Variants in DOK7 observed in about 807,000 individuals in gnomAD.
The protein encoded by DOK7 is docking protein 7.
In DOK7, 32 loss-of-function variants were observed where a neutral mutation model predicts 30.7. That is an observed-to-expected ratio of 1.04 (90% CI 0.79 to 1.40). The LOEUF (loss-of-function observed/expected upper bound fraction) is 1.40, where lower values mean the gene tolerates loss of function less well. Among genes scored for constraint, DOK7 ranks in the 40% most tolerant of loss-of-function variants. DOK7 has a pLI of 0.00. For synonymous variants in DOK7, 447 were observed against 324.1 expected (o/e 1.38, Z -4.07); for missense variants, 1,007 against 699.2 (o/e 1.44, Z -4.97).
chr4:3,495,099 A>G (rs1206922120), downstream of DOK7, among the ~76,000 whole-genome samples: 1 of 152,066 alleles, frequency 6.6e-6, no homozygotes, highest in African/African-American at 2.4e-5. Flanking sequence ...GTGACCCTAC[A>G]AGCCCCGCCC....
intron 4 of DOK7, among the ~76,000 whole-genome samples, chr4:3,482,274 A>C (rs1434784238): frequency 6.6e-6 from 1 of 152,176 alleles, no homozygotes; most frequent in Non-Finnish European, 1.5e-5. Flanking sequence ...GACGGGGCTC[A>C]GTGAGGACAG....
At chr4:3,477,478 C>T (rs1252413473) in intron 4 of DOK7, among the ~76,000 whole-genome samples, 4 of 152,258 alleles carry the variant, frequency 2.6e-5, no homozygotes, top group Non-Finnish European at 5.9e-5. Flanking sequence ...CTGCAAAGGC[C>T]AGCTGGGGCA....
At chr4:3,484,784 C>T (rs3827767) in intron 4 of DOK7, 196,522 of 985,430 alleles carry the variant, frequency 0.2, 20,849 homozygotes, top group South Asian at 0.31. Flanking sequence ...GAAAGATGAC[C>T]GAGGAGGTGG....
In DOK7 at chr4:3,493,254, A is replaced by G. The variant is rs756360879; in HGVS notation, c.1268A>G (p.Gln423Arg). 9.9e-6 allele frequency: 16 copies of G among 1,611,638 alleles called. No individual in the cohort carries two copies. The highest frequency in any genetic ancestry group is 1.3e-5 in the African/African-American group (1 of 74,892). ...LAPRDHSPPSQGSPGNSAARD... is the reference protein window; with the variant it reads ...LAPRDHSPPSRGSPGNSAARD... ...CCTAGAGACCACAGCCCCCCCTCAC[A>G]GGGCAGCCCCGGCAACAGTGCGGCC... Residue 423 changes from glutamine (Q) to arginine (R), a missense_variant, in exon 7 of 7, where the codon CAG becomes CGG. Physicochemically the swap from Gln to Arg is conservative, Grantham distance 43. Transcript: ENST00000340083.
rs756234763 is a variant in DOK7 at position 3,492,835 on chromosome 4, A to G, written c.849A>G (p.Ala283=). ...LDVSASSRLT[A]WPEQSSSSAS... ...TCAGCGCCAGCAGCCGGCTCACCGC[A>G]TGGCCAGAGCAATCCTCGTCGTCAG... The change falls in exon 7 of 7, where the codon GCA becomes GCG. Residue 283 remains alanine, a synonymous_variant. Transcript: ENST00000340083. 4.3e-6 allele frequency: 7 copies of G among 1,612,332 alleles called. No homozygotes were observed. Among genetic ancestry groups the G allele is most frequent in the Non-Finnish European group, 5.9e-6 (7 of 1,179,916 alleles).
intron 2 of DOK7, among the ~76,000 whole-genome samples, chr4:3,472,025 G>C (rs372403905): frequency 6.6e-6 from 1 of 152,266 alleles, no homozygotes; most frequent in Non-Finnish European, 1.5e-5. Context: ...CAAGGGTGGC[G>C]GTGCTGAGTA....
chr4:3,486,519 C>T (rs1727803238), intron 5 of DOK7, among the ~76,000 whole-genome samples: 1 of 152,196 alleles, frequency 6.6e-6, no homozygotes, highest in Admixed American at 6.5e-5. Context: ...GGGGTGGGAC[C>T]TGGGCCTCCC....
downstream of DOK7, chr4:3,496,925 C>T: frequency 8.2e-7 from 1 of 1,222,672 alleles, no homozygotes; most frequent in Non-Finnish European, 1.1e-6. Context: ...TGGGTGGGCG[C>T]AGATGGCAGC....
In DOK7 at chr4:3,494,303, G is replaced by A. The variant is rs1014826674; in HGVS notation, c.*802G>A. 1.0e-6 allele frequency: 1 copy of A among 985,630 alleles called. No individual in the cohort carries two copies. Among genetic ancestry groups the A allele is most frequent in the African/African-American group, 1.7e-5 (1 of 57,374 alleles). The allele number at this position is 985,630 out of a possible 1,614,324, so 61.1% of individuals were successfully genotyped here. On this transcript the variant is annotated 3_prime_UTR_variant, in exon 7 of 7. Transcript: ENST00000340083. ...CCAGGCCTCAGCCCCTGCGTCGGAG[G>A]TGGGGCTGTGTTGGGCCCATTGTCC...
rs887671134 is a variant in DOK7, at chr4:3,493,823, C to T, written c.*322C>T. The T allele has an allele frequency of 1.7e-5, 21 of 1,240,204 alleles. No individual in the cohort carries two copies. Among genetic ancestry groups the T allele is most frequent in the South Asian group, 2.3e-5 (1 of 42,884 alleles). 76.8% of individuals were successfully genotyped at this position (1,240,204 alleles called of 1,614,324 possible). ...TGCACCTCTGTTGGCTCGTGCCTTG[C>T]ACTGGGGTGCCAAGGGCTGGAGGCC... On this transcript the variant is annotated 3_prime_UTR_variant, in exon 7 of 7. Transcript: ENST00000340083.
At chr4:3,492,157 T>C (rs1728509097) in intron 6 of DOK7, among the ~76,000 whole-genome samples, 1 of 152,100 alleles carries the variant, frequency 6.6e-6, no homozygotes, top group Non-Finnish European at 1.5e-5. Context: ...GGGCCTGGCC[T>C]GGCAGGCGGG....
intron 4 of DOK7, among the ~76,000 whole-genome samples, chr4:3,478,769 C>G (rs1252517901): frequency 6.6e-6 from 1 of 152,208 alleles, no homozygotes; most frequent in Non-Finnish European, 1.5e-5. Flanking sequence ...CCACCCATCC[C>G]TGTCCCCAGC....
At chr4:3,485,062 G>T (rs865836149) in intron 4 of DOK7, among the ~76,000 whole-genome samples, 30 of 152,292 alleles carry the variant, frequency 2.0e-4, no homozygotes, top group African/African-American at 7.2e-4. Context: ...TGGGGGCAGG[G>T]TCGCTGGGAC....
chr4:3,475,857 G>A (rs1328086950), intron 3 of DOK7, among the ~76,000 whole-genome samples: 2 of 152,082 alleles, frequency 1.3e-5, no homozygotes, highest in African/African-American at 4.8e-5. Context: ...GGTGGGAGGG[G>A]AGGGAGGTGG....
At position 3,476,404 on chromosome 4, in the gene DOK7, C is replaced by T. The variant is rs755692930; in HGVS notation, c.394C>T (p.His132Tyr). 3 of 1,613,260 alleles carry T rather than the reference C, an allele frequency of 1.9e-6. No homozygotes were observed. The highest frequency in any genetic ancestry group is 3.3e-5 in the Admixed American group (2 of 60,004). Residue 132 changes from histidine to tyrosine, a missense_variant, in exon 4 of 7, where the codon CAC becomes TAC. Physicochemically the swap from His to Tyr is moderately conservative, Grantham distance 83 (BLOSUM62 2). Transcript: ENST00000340083. Reference protein sequence around the residue: ...TKLESGPATLHLCNDVLVLAR... With the variant: ...TKLESGPATLYLCNDVLVLAR... ...GTTGGAGAGCGGCCCGGCTACCCTGCACCTCTGCAATGATGTCCTCGTCTT... is the reference window on the plus strand; with the variant it reads ...GTTGGAGAGCGGCCCGGCTACCCTGTACCTCTGCAATGATGTCCTCGTCTT...
chr4:3,487,566 G>A lies in DOK7; in HGVS notation c.652+1908G>A, dbSNP rs555618884. ...AGGAGCAGGAGGGAAGGGCTCAGAG[G>A]TCTGGGGTCCACCATGCTCCGAGTA... On this transcript the variant is annotated intron_variant, in intron 5 of 6. Coordinates refer to ENST00000340083, the MANE Select transcript of DOK7 (RefSeq NM_173660.5). Among the ~76,000 whole-genome samples the A allele has an allele frequency of 2.0e-5, 3 of 152,352 alleles. No homozygotes were observed. The East Asian group carries it at 5.8e-4, about 29-fold the overall frequency.
chr4:3,493,570 C>G lies in DOK7; in HGVS notation c.*69C>G, dbSNP rs1052504970. 1 of 1,570,694 alleles carries G rather than the reference C, an allele frequency of 6.4e-7. No individual in the cohort carries two copies. Among genetic ancestry groups the G allele is most frequent in the Non-Finnish European group, 8.6e-7 (1 of 1,157,984 alleles). On this transcript the variant is annotated 3_prime_UTR_variant, in exon 7 of 7. Transcript: ENST00000340083. Reference sequence around the variant, plus strand: ...CCCCCAGATGGCAGAGGAAGTGGCGCCAGCCTCCTTGCAGACTGGTGCTCT... The same window carrying G: ...CCCCCAGATGGCAGAGGAAGTGGCGGCAGCCTCCTTGCAGACTGGTGCTCT...
chr4:3,463,680 T>C, intron 2 of DOK7, 129 bp downstream of exon 2: 1 of 1,245,140 alleles, frequency 8.0e-7, no homozygotes, highest in Non-Finnish European at 1.1e-6. Context: ...GAGAGCCCCG[T>C]GCGGACCCGG....
chr4:3,492,626 C>G, intron 6 of DOK7, 133 bp from the exon 7 acceptor site: 1 of 1,283,766 alleles, frequency 7.8e-7, no homozygotes, highest in South Asian at 1.3e-5. Flanking sequence ...GCTGTAGGCC[C>G]CGGGGCTTGG....
Sources: gnomAD v4.1 joint callset for allele counts (sites outside exome capture counted in the v4.1 genomes callset) on GRCh38, gnomAD v4.1.1 for gene constraint, MANE v1.5 for transcripts, NCBI Gene and HGNC (gene_info 2026-07-23, HGNC 2026-07-21) for gene names.